Variants in CCSER2 observed in about 807,000 individuals in gnomAD.
CCSER2 encodes the protein serine-rich coiled-coil domain-containing protein 2.
CCSER2 carries 46 observed loss-of-function variants against 92.3 expected under a neutral mutation model. The ratio of observed to expected loss-of-function variants is 0.50; its 90% CI spans 0.39 to 0.64. CCSER2 has a LOEUF of 0.64. Ranked by LOEUF, CCSER2 falls within the 30% of genes least tolerant of loss-of-function variation. CCSER2 has a pLI of 0.00. For missense variants in CCSER2, 1,244 were observed against 1,238.9 expected, an observed-to-expected ratio of 1.00 and a Z score of -0.06; for synonymous variants, 433 against 431.4, an observed-to-expected ratio of 1.00 and a Z score of -0.04.
Position 84,373,790 on chromosome 10 carries a change from A to T in CCSER2, c.1589A>T (p.Tyr530Phe). 1 of 1,613,720 alleles carries T rather than the reference A, an allele frequency of 6.2e-7. No individual in the cohort carries two copies. Among genetic ancestry groups the T allele is most frequent in the Non-Finnish European group, 8.5e-7 (1 of 1,179,712 alleles). The stretch of plus-strand genomic sequence containing the variant: ...GGAAATGTCCATCCAGTTGGGAGCT[A>T]TGAGTCCTCTGAAATGAACAGCATA... Reference protein sequence around the residue: ...PIGNVHPVGSYESSEMNSIDI... With the variant: ...PIGNVHPVGSFESSEMNSIDI... Residue 530 changes from tyrosine (Y) to phenylalanine (F), a missense_variant, in exon 3 of 10, where the codon TAT (tyrosine) becomes TTT (phenylalanine). Tyr to Phe is a conservative substitution (Grantham distance 22, BLOSUM62 3). Coordinates refer to ENST00000372088, the MANE Select transcript of CCSER2 (RefSeq NM_001284240.2).
chr10:84,482,271 A>G (rs1302307310), intron 9 of CCSER2, among the ~76,000 whole-genome samples: 1 of 152,204 alleles, frequency 6.6e-6, no homozygotes, highest in African/African-American at 2.4e-5. Context: ...CTGAGGGGCA[A>G]AATACCCGGA....
At chr10:84,400,742 C>CA (rs1842076723) in intron 3 of CCSER2, among the ~76,000 whole-genome samples, 1 of 151,928 alleles carries the variant, frequency 6.6e-6, no homozygotes, top group African/African-American at 2.4e-5. Flanking sequence ...GACGAATCCT[C>CA]ATCTCTACTA....
At position 84,371,376 on chromosome 10, in the gene CCSER2, T is replaced by C; in HGVS notation, c.324T>C (p.Asn108=). 1.2e-6 allele frequency: 2 copies of C among 1,613,504 alleles called. No individual in the cohort carries two copies. Among genetic ancestry groups the C allele is most frequent in the Non-Finnish European group, 1.7e-6 (2 of 1,179,766 alleles). ...CTACTCAAGGAATGTTTGATAAAAA[T>C]GGGATAAAGGGAGGTTTGAAAAGTG... ...RVPTQGMFDK[N]GIKGGLKSVS... Residue 108 remains asparagine (N), a synonymous_variant, in exon 2 of 10, where the codon AAT becomes AAC. Transcript: ENST00000372088.
chr10:84,504,479 G>A (rs1252835386), intron 9 of CCSER2, among the ~76,000 whole-genome samples: 1 of 152,082 alleles, frequency 6.6e-6, no homozygotes, highest in African/African-American at 2.4e-5. Flanking sequence ...GCCCACCTTT[G>A]CCATTTGCCT....
intron 9 of CCSER2, among the ~76,000 whole-genome samples, chr10:84,484,009 T>TC (rs1328974891): frequency 4.4e-5 from 6 of 135,818 alleles, no homozygotes; most frequent in Admixed American, 3.9e-4. Context: ...TTTTTTTTTT[T>TC]TTTTGAGACG....
At chr10:84,368,678 T>A (rs1845910042) in intron 1 of CCSER2, among the ~76,000 whole-genome samples, 1 of 152,180 alleles carries the variant, frequency 6.6e-6, no homozygotes, top group Non-Finnish European at 1.5e-5. Flanking sequence ...TGTTCTTTAA[T>A]TACCTTTTAT....
intron 6 of CCSER2, among the ~76,000 whole-genome samples, chr10:84,451,985 T>C (rs1211558410): frequency 6.6e-6 from 1 of 152,198 alleles, no homozygotes; most frequent in Non-Finnish European, 1.5e-5. Flanking sequence ...GTGCACATTC[T>C]GGACTGTGTG....
intron 1 of CCSER2, among the ~76,000 whole-genome samples, chr10:84,351,943 A>G (rs1263508422): frequency 1.3e-5 from 2 of 152,152 alleles, no homozygotes; most frequent in Non-Finnish European, 1.5e-5. Context: ...ACAGTGTTCT[A>G]TGGATAGTGC....
At chr10:84,508,412 C>A (rs763288695) in intron 9 of CCSER2, among the ~76,000 whole-genome samples, 5 of 152,102 alleles carry the variant, frequency 3.3e-5, no homozygotes, top group Non-Finnish European at 7.4e-5. Flanking sequence ...ACTGGTATTA[C>A]CCTCATTTTG....
At chr10:84,428,985 G>GTGTATATATATATATA (rs367824329) in intron 5 of CCSER2, among the ~76,000 whole-genome samples, 2 of 140,846 alleles carry the variant, frequency 1.4e-5, no homozygotes. Context: ...GTGTGTATGT[G>GTGTATATATATATATA]TATATATATA....
At chr10:84,348,298 G>A (rs1844651131) in intron 1 of CCSER2, among the ~76,000 whole-genome samples, 1 of 152,222 alleles carries the variant, frequency 6.6e-6, no homozygotes, top group South Asian at 2.1e-4. Flanking sequence ...CAAAAAATAC[G>A]AAAACCAGTC....
intron 9 of CCSER2, among the ~76,000 whole-genome samples, chr10:84,482,487 T>A (rs1420825784): frequency 2.0e-5 from 3 of 152,216 alleles, no homozygotes; most frequent in Non-Finnish European, 4.4e-5. Flanking sequence ...TTCTTAAAAA[T>A]TAGCATTATC....
At chr10:84,490,843 GCT>G (rs1350625601) in intron 9 of CCSER2, among the ~76,000 whole-genome samples, 10 of 152,328 alleles carry the variant, frequency 6.6e-5, no homozygotes, top group South Asian at 4.1e-4. Flanking sequence ...CAGCTTTTCT[GCT>G]CTGTTTTTTC....
chr10:84,355,109 AC>A (rs1297262726), intron 1 of CCSER2, among the ~76,000 whole-genome samples: 1 of 151,192 alleles, frequency 6.6e-6, no homozygotes, highest in East Asian at 1.9e-4. Flanking sequence ...CCCCTTCTTA[AC>A]CCATCTCCTG....
chr10:84,398,928 A>G (rs1841977853), intron 3 of CCSER2, among the ~76,000 whole-genome samples: 1 of 152,324 alleles, frequency 6.6e-6, no homozygotes, highest in East Asian at 1.9e-4. Flanking sequence ...TATTCTGGTG[A>G]TGTTTTGTAA....
intron 1 of CCSER2, among the ~76,000 whole-genome samples, chr10:84,348,600 TG>T (rs1485817780): frequency 6.6e-6 from 1 of 152,150 alleles, no homozygotes; most frequent in Non-Finnish European, 1.5e-5. Flanking sequence ...CTTGTCTCCC[TG>T]ATGGGGCCAC....
At chr10:84,453,835 G>A (rs1437192754) in intron 6 of CCSER2, among the ~76,000 whole-genome samples, 1 of 152,012 alleles carries the variant, frequency 6.6e-6, no homozygotes, top group African/African-American at 2.4e-5. Context: ...AGAATTCTTT[G>A]TTTATCTTTA....
intron 3 of CCSER2, among the ~76,000 whole-genome samples, chr10:84,394,382 A>AGTGT (rs879520976): frequency 2.4e-3 from 215 of 91,264 alleles, no homozygotes; most frequent in South Asian, 2.4e-3. Flanking sequence ...ACAAAAGGAA[A>AGTGT]GTATGTGTGT....
At position 84,441,734 on chromosome 10, in the gene CCSER2, A is replaced by ATTTTTTTTTTTTTTTTTT. The variant is rs1564667385; in HGVS notation, c.2064+3028_2064+3029insTTTTTTTTTTTTTTTTTT. Among the ~76,000 whole-genome samples, 21 of 106,410 alleles carry ATTTTTTTTTTTTTTTTTT rather than the reference A, an allele frequency of 2.0e-4. 4 individuals are homozygous for ATTTTTTTTTTTTTTTTTT. Among genetic ancestry groups the ATTTTTTTTTTTTTTTTTT allele is most frequent in the Non-Finnish European group, 3.5e-4 (19 of 54,118 alleles). The allele number at this position is 106,410 out of a possible 152,430, so 69.8% of individuals were successfully genotyped here. ...GGGAATAAAGTAGAAGACTGGGAAAATGTTTTTTTTTTTTTTTTTTTTTTT... is the reference window on the plus strand; with the variant it reads ...GGGAATAAAGTAGAAGACTGGGAAAATTTTTTTTTTTTTTTTTTTGTTTTTTTTTTTTTTTTTTTTTTT... On this transcript the variant is annotated intron_variant, in intron 6 of 9. Coordinates refer to ENST00000372088, the MANE Select transcript of CCSER2 (RefSeq NM_001284240.2).
Sources: allele counts gnomAD v4.1 joint callset (sites outside exome capture counted in the v4.1 genomes callset), GRCh38; gene constraint gnomAD v4.1.1; transcripts MANE v1.5; gene names NCBI Gene and HGNC (gene_info 2026-07-23, HGNC 2026-07-21).